Variants in PPP1R1C observed in about 807,000 individuals in gnomAD.
PPP1R1C encodes protein phosphatase 1 regulatory subunit 1C.
In PPP1R1C, 15 loss-of-function variants were observed where a neutral mutation model predicts 17.4. The ratio of observed to expected loss-of-function variants is 0.86; its 90% CI spans 0.58 to 1.33. The LOEUF (loss-of-function observed/expected upper bound fraction) is 1.33, where lower values mean the gene tolerates loss of function less well. Among genes scored for constraint, PPP1R1C ranks in the 40% most tolerant of loss-of-function variants. The pLI is 0.00. For synonymous variants in PPP1R1C, 35 were observed against 43.1 expected, an observed-to-expected ratio of 0.81 and a Z score of 0.73; for missense variants, 143 against 130.0, an observed-to-expected ratio of 1.10 and a Z score of -0.48.
intron 1 of PPP1R1C, among the ~76,000 whole-genome samples, chr2:181,968,159 T>G (rs1684939104): frequency 6.6e-6 from 1 of 152,212 alleles, no homozygotes; most frequent in African/African-American, 2.4e-5. Context: ...AGGAGAAGAT[T>G]ATGTATTCTT....
At chr2:182,048,399 C>T (rs915233804) in intron 2 of PPP1R1C, among the ~76,000 whole-genome samples, 2 of 152,218 alleles carry the variant, frequency 1.3e-5, no homozygotes, top group African/African-American at 4.8e-5. Context: ...GTCAGGAAGA[C>T]AGGCTTCACT....
chr2:182,030,785 G>C (rs1310093851), intron 2 of PPP1R1C: 2 of 158,022 alleles, frequency 1.3e-5, no homozygotes, highest in African/African-American at 2.4e-5. Context: ...AGCAAGCCTG[G>C]GCAATGGCGG....
intron 1 of PPP1R1C, among the ~76,000 whole-genome samples, chr2:181,965,222 A>G (rs900610174): frequency 6.6e-6 from 1 of 152,164 alleles, no homozygotes; most frequent in Admixed American, 6.5e-5. Flanking sequence ...AATAGTTTGC[A>G]AACATTTTCT....
At chr2:182,004,005 T>TGG (rs1275331766) in intron 2 of PPP1R1C, among the ~76,000 whole-genome samples, 1 of 152,120 alleles carries the variant, frequency 6.6e-6, no homozygotes, top group Non-Finnish European at 1.5e-5. Flanking sequence ...GGATTTTGGC[T>TGG]GGTTTTGAAG....
At chr2:181,980,728 T>G (rs529318637) in intron 2 of PPP1R1C, among the ~76,000 whole-genome samples, 1 of 152,196 alleles carries the variant, frequency 6.6e-6, no homozygotes, top group East Asian at 1.9e-4. Flanking sequence ...GAGTGACTAC[T>G]CAGGAAAATT....
intron 1 of PPP1R1C, among the ~76,000 whole-genome samples, chr2:181,986,731 T>G (rs1380407489): frequency 6.6e-6 from 1 of 152,188 alleles, no homozygotes; most frequent in African/African-American, 2.4e-5. Context: ...TTAAAATCGT[T>G]TTGTTCAGAC....
chr2:182,095,048 T>C (rs1203700331), intron 4 of PPP1R1C, among the ~76,000 whole-genome samples: 1 of 152,176 alleles, frequency 6.6e-6, no homozygotes, highest in Non-Finnish European at 1.5e-5. Flanking sequence ...CCCAGCACTC[T>C]GGGAGGCCGA....
At chr2:182,015,658 A>C (rs1686242971) in intron 2 of PPP1R1C, among the ~76,000 whole-genome samples, 1 of 151,928 alleles carries the variant, frequency 6.6e-6, no homozygotes, top group African/African-American at 2.4e-5. Flanking sequence ...CCTTCCCTTC[A>C]AGGCAGTGGG....
At chr2:182,048,468 T>C (rs781188045) in intron 2 of PPP1R1C, among the ~76,000 whole-genome samples, 5 of 152,248 alleles carry the variant, frequency 3.3e-5, no homozygotes, top group Non-Finnish European at 5.9e-5. Context: ...AAAAAGAAAT[T>C]ATAATTCTAA....
intron 1 of PPP1R1C, among the ~76,000 whole-genome samples, chr2:181,966,757 T>A (rs1386727885): frequency 2.6e-5 from 4 of 152,184 alleles, no homozygotes. Flanking sequence ...GATATTGACC[T>A]GTGATTTTCT....
chr2:181,994,985 C>T (rs1685573500), intron 2 of PPP1R1C, among the ~76,000 whole-genome samples: 1 of 152,118 alleles, frequency 6.6e-6, no homozygotes, highest in Non-Finnish European at 1.5e-5. Context: ...TGCCTGTGAA[C>T]GATTCAAAGT....
At chr2:182,055,911 G>A (rs999607132) in intron 2 of PPP1R1C, among the ~76,000 whole-genome samples, 2 of 152,040 alleles carry the variant, frequency 1.3e-5, no homozygotes, top group African/African-American at 4.8e-5. Flanking sequence ...CTTATGTTTT[G>A]AAATTTTAAT....
chr2:182,027,918 C>G (rs1187878306), intron 2 of PPP1R1C, among the ~76,000 whole-genome samples: 1 of 131,518 alleles, frequency 7.6e-6, no homozygotes, highest in Non-Finnish European at 1.6e-5. Flanking sequence ...AGAGATTCAA[C>G]TACTTCCTGG....
At chr2:182,113,968 A>C (rs1475057834) in intron 4 of PPP1R1C, among the ~76,000 whole-genome samples, 2 of 152,178 alleles carry the variant, frequency 1.3e-5, no homozygotes, top group Non-Finnish European at 2.9e-5. Context: ...ACATTTAACC[A>C]TTTGATCTAC....
At chr2:182,124,340 T>TTTTTTTTTTTTTTTTTTTTTTTTG (rs1689820366) in intron 5 of PPP1R1C, among the ~76,000 whole-genome samples, 1 of 129,826 alleles carries the variant, frequency 7.7e-6, no homozygotes, top group African/African-American at 3.2e-5. Flanking sequence ...TTTTTTTTTG[T>TTTTTTTTTTTTTTTTTTTTTTTTG]TTTTTTTTTT....
At chr2:182,103,145 T>TG (rs1689147955) in intron 4 of PPP1R1C, among the ~76,000 whole-genome samples, 1 of 152,076 alleles carries the variant, frequency 6.6e-6, no homozygotes, top group South Asian at 2.1e-4. Context: ...GTCTAAAAGT[T>TG]GGGGGGAGGT....
intron 4 of PPP1R1C, among the ~76,000 whole-genome samples, chr2:182,113,359 C>T (rs565365381): frequency 1.4e-4 from 22 of 152,282 alleles, no homozygotes; most frequent in African/African-American, 4.1e-4. Flanking sequence ...CTATTAATTT[C>T]CTCTATGCTA....
chr2:182,028,682 T>C (rs899656490), intron 2 of PPP1R1C, among the ~76,000 whole-genome samples: 1 of 150,782 alleles, frequency 6.6e-6, no homozygotes, highest in African/African-American at 2.4e-5. Flanking sequence ...AAAAAGTGTA[T>C]ATTTTGTTGA....
At position 181,967,809 on chromosome 2, in the gene PPP1R1C, A is replaced by C. The variant is rs190437832; in HGVS notation, n.112-7410A>C. 3.9e-3 allele frequency among the ~76,000 whole-genome samples: 590 copies of C among 152,090 alleles called. 3 individuals carry two copies. The highest frequency in any genetic ancestry group is 0.014 in the African/African-American group (568 of 41,496). On this transcript the variant is annotated intron_variant and non_coding_transcript_variant, in intron 1 of 5. Coordinates refer to the PPP1R1C transcript ENST00000464264. This position sits in a 1 kb window ranked among gnomAD's most constrained non-coding sequence, Gnocchi z 5.5. ...TGGCTCACTGCAACCTCCGCCTTCC[A>C]GGTTCAAGCAATTCTCCTGCCTCAG...
Sources: allele counts gnomAD v4.1 joint callset (sites outside exome capture counted in the v4.1 genomes callset), GRCh38; gene constraint gnomAD v4.1.1; non-coding constraint Gnocchi (gnomAD v3.1); transcripts MANE v1.5; gene names NCBI Gene and HGNC (gene_info 2026-07-23, HGNC 2026-07-21).